The following PLBD1 variants were observed in gnomAD, a reference collection of about 807,000 sequenced individuals.
PLBD1 encodes the protein phospholipase B domain containing 1, also known as lysosomal leucine aminopeptidase.
PLBD1 carries 60 observed loss-of-function variants against 63.0 expected under a neutral mutation model. The observed-to-expected ratio is 0.95, with a 90% CI of 0.77 to 1.18. The LOEUF (loss-of-function observed/expected upper bound fraction) is 1.18. Among genes scored for constraint, PLBD1 ranks in the 50% most tolerant of loss-of-function variants. The pLI, the probability that PLBD1 is intolerant of heterozygous loss-of-function variation, is 0.00. For synonymous variants in PLBD1, 262 were observed against 248.0 expected, an observed-to-expected ratio of 1.06 and a Z score of -0.53; for missense variants, 598 against 677.9, an observed-to-expected ratio of 0.88 and a Z score of 1.31.
Position 14,507,033 on chromosome 12 carries a change from C to T in PLBD1, c.1272G>A (p.Leu424=). ...GYPLLVQKLG[L]DYSYDLAPRA... is the part of the protein sequence containing the mutation. ...GTGGAGCTAAATCATAAGAGTAGTC[C>T]AAGCCCAGCTTCTGAACTAACAGTG... The change falls in exon 9 of 11, where the codon TTG becomes TTA. Residue 424 remains leucine, a synonymous_variant. Transcript: ENST00000240617. 6.2e-7 allele frequency: 1 copy of T among 1,613,954 alleles called. No individual in the cohort carries two copies. Among genetic ancestry groups the T allele is most frequent in the Non-Finnish European group, 8.5e-7 (1 of 1,179,904 alleles).
chr12:14,560,187 T>C (rs953418161), intron 1 of PLBD1, among the ~76,000 whole-genome samples: 1 of 152,150 alleles, frequency 6.6e-6, no homozygotes, highest in African/African-American at 2.4e-5. Flanking sequence ...GAGTTCATTG[T>C]TTTCAGTTGA....
At chr12:14,550,216 T>C (rs1409439283) in intron 2 of PLBD1, among the ~76,000 whole-genome samples, 1 of 152,200 alleles carries the variant, frequency 6.6e-6, no homozygotes, top group Non-Finnish European at 1.5e-5. Flanking sequence ...TTTGAGGTTG[T>C]TCTCCGCAGT....
chr12:14,515,450 A>G (rs1945330011), intron 6 of PLBD1, among the ~76,000 whole-genome samples: 1 of 151,972 alleles, frequency 6.6e-6, no homozygotes, highest in African/African-American at 2.4e-5. Context: ...TCCATTTATA[A>G]TTCTTTAGAA....
chr12:14,535,830 A>G, intron 5 of PLBD1, 27 bp from the exon 6 acceptor site: 3 of 1,608,876 alleles, frequency 1.9e-6, no homozygotes, highest in African/African-American at 1.3e-5. Context: ...AGTGGATTAC[A>G]CAGATGTACA....
In PLBD1 at chr12:14,540,106, T is replaced by TTTTTTATATATATATA. The variant is rs71448876; in HGVS notation, c.558+657_558+658insTATATATATATAAAAA. Among the ~76,000 whole-genome samples, 458 of 64,012 alleles carry TTTTTTATATATATATA rather than the reference T, an allele frequency of 7.2e-3. 18 individuals carry two copies. Among genetic ancestry groups the TTTTTTATATATATATA allele is most frequent in the African/African-American group, 0.026 (445 of 17,086 alleles). 42.0% of individuals were successfully genotyped at this position (64,012 alleles called of 152,430 possible). A position where few individuals can be genotyped will look rare whatever the true frequency, so the allele number is the denominator to read the frequency against. On this transcript the variant is annotated intron_variant, in intron 4 of 10. Transcript: ENST00000240617. ...AAAAGAGAGTTATATAATATAAATATTATTTATATATATATATATATATAT... is the reference window on the plus strand; with the variant it reads ...AAAAGAGAGTTATATAATATAAATATTTTTTATATATATATATATTTATATATATATATATATATAT...
chr12:14,547,777 G>A (rs193235779), intron 2 of PLBD1, among the ~76,000 whole-genome samples: 10 of 152,074 alleles, frequency 6.6e-5, no homozygotes, highest in Admixed American at 6.5e-4. Flanking sequence ...TACCTCCTAC[G>A]CTCTCCTGTT....
In PLBD1 at chr12:14,567,878, C is replaced by T. The variant is rs1475155054; in HGVS notation, c.-182G>A. On this transcript the variant is annotated 5_prime_UTR_variant, in exon 1 of 11. It adds an upstream start codon to the 5' untranslated region. Coordinates refer to ENST00000240617, the MANE Select transcript of PLBD1 (RefSeq NM_024829.6). ...GGCTCTGAGGGGCGAGGACGCTTCA[C>T]GTGGTGGCCTGGGGCCCACCCCGCC... 4.8e-6 allele frequency: 4 copies of T among 825,910 alleles called. No individual in the cohort carries two copies. Among genetic ancestry groups the T allele is most frequent in the African/African-American group, 1.8e-5 (1 of 55,458 alleles). 51.2% of individuals were successfully genotyped at this position (825,910 alleles called of 1,614,324 possible). A position where few individuals can be genotyped will look rare whatever the true frequency, so the allele number is the denominator to read the frequency against.
chr12:14,555,174 G>A (rs994009149), intron 1 of PLBD1, among the ~76,000 whole-genome samples: 5 of 152,174 alleles, frequency 3.3e-5, no homozygotes, highest in African/African-American at 9.7e-5. Flanking sequence ...CTCTACCAGA[G>A]TAGCACTTCT....
chr12:14,507,242 C>A (rs1945263886), intron 8 of PLBD1, 124 bp from the exon 9 acceptor site: 3 of 738,510 alleles, frequency 4.1e-6, no homozygotes, highest in Non-Finnish European at 6.7e-6. Context: ...CATTTAATTA[C>A]AAAATAATGT....
intron 2 of PLBD1, among the ~76,000 whole-genome samples, chr12:14,551,512 A>C (rs544421850): frequency 6.6e-5 from 10 of 152,356 alleles, no homozygotes; most frequent in African/African-American, 2.2e-4. Flanking sequence ...AAAATGATAA[A>C]GCCACCTTCA....
chr12:14,562,502 G>T (rs1422744846), intron 1 of PLBD1, among the ~76,000 whole-genome samples: 1 of 146,752 alleles, frequency 6.8e-6, no homozygotes, highest in Non-Finnish European at 1.5e-5. Flanking sequence ...ACATGATTAT[G>T]TTATCTGTGT....
intron 8 of PLBD1, among the ~76,000 whole-genome samples, chr12:14,508,745 G>T (rs997552788): frequency 6.6e-6 from 1 of 152,152 alleles, no homozygotes; most frequent in Non-Finnish European, 1.5e-5. Flanking sequence ...AATCTAGCCT[G>T]GGTGACAAAG....
Position 14,553,387 on chromosome 12 carries a change from C to T in PLBD1, c.141G>A (p.Trp47Ter), listed in dbSNP as rs1945675567. The T allele has an allele frequency of 2.5e-6, 4 of 1,613,984 alleles. No homozygotes were observed. Among genetic ancestry groups the T allele is most frequent in the Admixed American group, 1.7e-5 (1 of 59,986 alleles). ...CTTGTACTGTCTTTTCAGCAGGCAT[C>T]CAGTATGCAGTTGCATAGTAGACTC... ...PAGVYYATAY[W>*]MPAEKTVQVK... Residue 47 changes from tryptophan (W) to a stop codon, truncating the protein, a stop_gained, in exon 2 of 11, where the codon TGG becomes TGA. Coordinates refer to ENST00000240617, the MANE Select transcript of PLBD1 (RefSeq NM_024829.6). LOFTEE classifies it high-confidence loss of function.
intron 5 of PLBD1, chr12:14,536,043 C>T (rs1168251542): frequency 7.0e-6 from 3 of 428,764 alleles, no homozygotes; most frequent in Non-Finnish European, 8.2e-6. Flanking sequence ...CGCTCGAAAT[C>T]CTAGCACTTT....
intron 2 of PLBD1, among the ~76,000 whole-genome samples, chr12:14,547,274 AC>A (rs1945623533): frequency 6.6e-6 from 1 of 151,432 alleles, no homozygotes; most frequent in South Asian, 2.1e-4. Context: ...AGAAACCTCC[AC>A]CTTGAGATGA....
intron 10 of PLBD1, 118 bp from the exon 11 acceptor site, chr12:14,504,072 G>A (rs971285562): frequency 9.3e-6 from 9 of 967,074 alleles, no homozygotes; most frequent in South Asian, 3.4e-5. Flanking sequence ...TTTTTGAGTC[G>A]GAGTTTCGCT....
intron 6 of PLBD1, among the ~76,000 whole-genome samples, chr12:14,526,960 G>A (rs765206314): frequency 1.2e-4 from 19 of 152,130 alleles, no homozygotes; most frequent in South Asian, 8.3e-4. Context: ...CAACAAGAGC[G>A]AAACTCCATC....
chr12:14,541,030 ACACTCCAGT>A, intron 3 of PLBD1, 128 bp from the exon 4 acceptor site: 1 of 1,038,356 alleles, frequency 9.6e-7, no homozygotes, highest in Non-Finnish European at 1.3e-6. Context: ...AGATCTTGTA[ACACTCCAGT>A]CACTCAAAGG....
chr12:14,534,784 C>T (rs1412064887), intron 6 of PLBD1, among the ~76,000 whole-genome samples: 9 of 152,134 alleles, frequency 5.9e-5, no homozygotes, highest in South Asian at 4.1e-4. Context: ...CCTCGTGATC[C>T]GCCCACCTTG....
Sources: gnomAD v4.1 joint callset for allele counts (sites outside exome capture counted in the v4.1 genomes callset) on GRCh38, gnomAD v4.1.1 for gene constraint, MANE v1.5 for transcripts, NCBI Gene and HGNC (gene_info 2026-07-23, HGNC 2026-07-21) for gene names.